ADAMTSL1: variants seen among roughly 807,000 people sequenced by gnomAD.
ADAMTSL1 encodes the protein ADAMTS-like protein 1.
A neutral mutation model predicts 201.8 loss-of-function variants in ADAMTSL1; 126 were observed. That is an observed-to-expected ratio of 0.62 (90% CI 0.54 to 0.72). The LOEUF (loss-of-function observed/expected upper bound fraction) is 0.72. Ranked by LOEUF, ADAMTSL1 falls within the 30% of genes least tolerant of loss-of-function variation. ADAMTSL1 has a pLI of 0.00. For synonymous variants in ADAMTSL1, 1,121 were observed against 903.4 expected (o/e 1.24, Z -4.32); for missense variants, 2,679 against 2,277.8 (o/e 1.18, Z -3.59).
chr9:18,278,587 C>T (rs941828970), intron 2 of ADAMTSL1, among the ~76,000 whole-genome samples: 3 of 152,110 alleles, frequency 2.0e-5, no homozygotes, highest in African/African-American at 7.2e-5. Context: ...CAAATTCTCT[C>T]GTTGTCTTTG....
At chr9:18,126,995 C>G (rs1210657905) in intron 1 of ADAMTSL1, among the ~76,000 whole-genome samples, 1 of 152,078 alleles carries the variant, frequency 6.6e-6, no homozygotes, top group Non-Finnish European at 1.5e-5. Context: ...AGTGATGAGG[C>G]AGATCTTCCA....
intron 3 of ADAMTSL1, among the ~76,000 whole-genome samples, chr9:18,540,616 T>C (rs777149508): frequency 6.6e-6 from 1 of 152,148 alleles, no homozygotes; most frequent in South Asian, 2.1e-4. Flanking sequence ...TAGCCCCACA[T>C]GTTATTTCAT....
chr9:18,307,303 C>G (rs1017146307), intron 2 of ADAMTSL1, among the ~76,000 whole-genome samples: 1 of 152,112 alleles, frequency 6.6e-6, no homozygotes, highest in Non-Finnish European at 1.5e-5. Flanking sequence ...GGCAAAATAA[C>G]CAGCTACCAT....
chr9:18,391,194 C>T (rs74535036), intron 2 of ADAMTSL1, among the ~76,000 whole-genome samples: 10,476 of 152,096 alleles, frequency 0.069, 525 homozygotes, highest in African/African-American at 0.14. Flanking sequence ...GATACCTAGA[C>T]GCTGGTCATT....
intron 7 of ADAMTSL1, among the ~76,000 whole-genome samples, chr9:18,640,908 T>C (rs377309103): frequency 6.6e-6 from 1 of 152,000 alleles, no homozygotes; most frequent in Non-Finnish European, 1.5e-5. Flanking sequence ...ACCTTCAGAG[T>C]GCGTTTCCTA....
At chr9:18,332,779 C>G (rs939159610) in intron 2 of ADAMTSL1, among the ~76,000 whole-genome samples, 1 of 152,122 alleles carries the variant, frequency 6.6e-6, no homozygotes, top group Admixed American at 6.6e-5. Flanking sequence ...TATCCTCTGG[C>G]CCATTGAACC....
intron 1 of ADAMTSL1, among the ~76,000 whole-genome samples, chr9:18,151,339 G>A (rs957740132): frequency 2.0e-4 from 30 of 151,940 alleles, no homozygotes; most frequent in Non-Finnish European, 2.9e-5. Context: ...GGAAGTAACC[G>A]TGGAAATACT....
chr9:18,444,140 C>T (rs6475216), intron 2 of ADAMTSL1, among the ~76,000 whole-genome samples: 75,426 of 151,996 alleles, frequency 0.5, 19,321 homozygotes, highest in Non-Finnish European at 0.56. Context: ...TGATGTCTAG[C>T]ATGTGTGACG....
At chr9:18,906,366 C>T (rs557831658) in intron 27 of ADAMTSL1, among the ~76,000 whole-genome samples, 14 of 152,274 alleles carry the variant, frequency 9.2e-5, no homozygotes, top group South Asian at 4.2e-4. Context: ...CCCTGGGGCA[C>T]GGGGACTCAC....
intron 26 of ADAMTSL1, among the ~76,000 whole-genome samples, chr9:18,900,123 A>T (rs1829917374): frequency 6.6e-6 from 1 of 152,232 alleles, no homozygotes; most frequent in Non-Finnish European, 1.5e-5. Flanking sequence ...AGCAAAGGAC[A>T]TGAACAGACA....
intron 2 of ADAMTSL1, among the ~76,000 whole-genome samples, chr9:18,239,508 G>T (rs1830977548): frequency 6.6e-6 from 1 of 152,154 alleles, no homozygotes; most frequent in Non-Finnish European, 1.5e-5. Context: ...GGAGGCCGAG[G>T]CAAGTGGATC....
chr9:18,121,835 A>G (rs1272094833), intron 1 of ADAMTSL1, among the ~76,000 whole-genome samples: 3 of 152,116 alleles, frequency 2.0e-5, no homozygotes, highest in African/African-American at 7.2e-5. Context: ...GTATACTACC[A>G]AACTGACTCT....
At position 18,019,325 on chromosome 9, in the gene ADAMTSL1, C is replaced by G. The variant is rs187467577; in HGVS notation, c.87+112403C>G. Among the ~76,000 whole-genome samples the G allele has an allele frequency of 6.6e-5, 10 of 152,104 alleles. No individual in the cohort carries two copies. In the East Asian group the frequency reaches 1.9e-3, roughly 30 times the overall value. ...ACTTGGTTGTTTTCAAAATTCTCAT[C>G]CTCTATAAATAACAAATGATACTAA... On this transcript the variant is annotated intron_variant, in intron 1 of 29. Coordinates refer to the ADAMTSL1 transcript ENST00000680146.
chr9:18,599,874 T>C lies in ADAMTSL1; in HGVS notation c.475-22369T>C, dbSNP rs138709592. On this transcript the variant is annotated intron_variant, in intron 4 of 28. Coordinates refer to ENST00000380548, the MANE Select transcript of ADAMTSL1 (RefSeq NM_001040272.6). ...TAATCCTTTAAAAATCAGATCTGGC[T>C]GGGCGCGGTGGCTCACGCCTGTAAT... 5.4e-3 allele frequency among the ~76,000 whole-genome samples: 811 copies of C among 151,188 alleles called. 9 individuals are homozygous for C. The highest frequency in any genetic ancestry group is 0.018 in the African/African-American group (739 of 41,288).
intron 2 of ADAMTSL1, among the ~76,000 whole-genome samples, chr9:18,448,924 T>C (rs188351920): frequency 1.3e-5 from 2 of 152,234 alleles, no homozygotes; most frequent in African/African-American, 4.8e-5. Flanking sequence ...CAAGTATTAT[T>C]AATATCAAAT....
At chr9:18,079,763 T>G (rs1310706517) in intron 1 of ADAMTSL1, among the ~76,000 whole-genome samples, 1 of 152,044 alleles carries the variant, frequency 6.6e-6, no homozygotes, top group East Asian at 1.9e-4. Context: ...GGTACATGTC[T>G]GAAGAGTACC....
At position 18,681,806 on chromosome 9, in the gene ADAMTSL1, T is replaced by G. The variant is rs1830514839; in HGVS notation, c.1342-6T>G. On this transcript the variant is annotated splice_region_variant and splice_polypyrimidine_tract_variant and intron_variant, in intron 11 of 28. Coordinates refer to ENST00000380548, the MANE Select transcript of ADAMTSL1 (RefSeq NM_001040272.6). ...GAGTCTCCTCTCTCTTGCAATCTCTTTCCAGTGCACAGTGACATGTGGCCA... is the reference window on the plus strand; with the variant it reads ...GAGTCTCCTCTCTCTTGCAATCTCTGTCCAGTGCACAGTGACATGTGGCCA... 3.1e-6 allele frequency: 5 copies of G among 1,604,962 alleles called. No homozygotes were observed. The highest frequency in any genetic ancestry group is 4.3e-6 in the Non-Finnish European group (5 of 1,175,010).
chr9:18,498,337 CCT>C (rs940397556), intron 1 of ADAMTSL1, among the ~76,000 whole-genome samples: 10 of 144,708 alleles, frequency 6.9e-5, no homozygotes, highest in Non-Finnish European at 1.1e-4. Flanking sequence ...CCCCCCACCC[CCT>C]TTTTTTTTTT....
intron 2 of ADAMTSL1, among the ~76,000 whole-genome samples, chr9:18,528,648 A>C (rs1406659564): frequency 6.6e-6 from 1 of 152,162 alleles, no homozygotes; most frequent in Non-Finnish European, 1.5e-5. Flanking sequence ...TGCTATTGTG[A>C]ATAGTGCTAG....
Sources: allele counts gnomAD v4.1 joint callset (sites outside exome capture counted in the v4.1 genomes callset), GRCh38; gene constraint gnomAD v4.1.1; transcripts MANE v1.5; gene names NCBI Gene and HGNC (gene_info 2026-07-23, HGNC 2026-07-21).